Variants in STXBP4 observed in about 807,000 individuals in gnomAD.
STXBP4 encodes the protein syntaxin binding protein 4.
STXBP4 carries 55 observed loss-of-function variants against 76.1 expected under a neutral mutation model. The ratio of observed to expected loss-of-function variants is 0.72; its 90% confidence interval spans 0.58 to 0.91. The LOEUF (loss-of-function observed/expected upper bound fraction) is 0.91. Ranked by LOEUF, STXBP4 falls within the 40% of genes least tolerant of loss-of-function variation. The pLI is 0.00. For synonymous variants in STXBP4, 201 were observed against 220.2 expected (o/e 0.91, Z 0.77); for missense variants, 618 against 636.9 (o/e 0.97, Z 0.32).
At chr17:55,186,784 ATACTAT>A in the STXBP4 span, among the ~76,000 whole-genome samples, 2 of 152,232 alleles carry the variant, frequency 1.3e-5, no homozygotes, top group Admixed American at 1.3e-4. Context: ...ACAAATAGAT[ATACTAT>A]CATTAGTCCC....
chr17:55,180,888 G>C, the STXBP4 span, among the ~76,000 whole-genome samples: 128 of 152,288 alleles, frequency 8.4e-4, no homozygotes, highest in Admixed American at 2.3e-3. Context: ...TGCTCTGTAT[G>C]GCCTATAGAA....
chr17:55,199,155 C>T, the STXBP4 span, among the ~76,000 whole-genome samples: 1 of 152,260 alleles, frequency 6.6e-6, no homozygotes, highest in Admixed American at 6.5e-5. Context: ...TCTACATCTG[C>T]TGCTGGTTAG....
chr17:55,208,323 A>C, the STXBP4 span, among the ~76,000 whole-genome samples: 1 of 152,076 alleles, frequency 6.6e-6, no homozygotes, highest in African/African-American at 2.4e-5. Flanking sequence ...GCTTTTGTGC[A>C]CCTGTTGCAC....
In STXBP4 at chr17:55,168,977, T is replaced by C. The variant is rs2080392429; in HGVS notation, c.*9066T>C. 1 of 152,204 alleles carries C rather than the reference T, an allele frequency of 6.6e-6. No individual in the cohort carries two copies. Among genetic ancestry groups the C allele is most frequent in the African/African-American group, 2.4e-5 (1 of 41,466 alleles). 9.4% of individuals were successfully genotyped at this position (152,204 alleles called of 1,614,324 possible). ...AAGTAAAGAAGTAACAGTCCAGTCA[T>C]ATCATGGAAAGAACAACCAAATTCA... On this transcript the variant is annotated 3_prime_UTR_variant, in exon 18 of 18. Transcript: ENST00000376352.
Position 55,166,118 on chromosome 17 carries a change from G to A in STXBP4, c.*6207G>A, listed in dbSNP as rs569483721. The A allele has an allele frequency of 6.6e-6, 1 of 152,142 alleles. No individual in the cohort carries two copies. Among genetic ancestry groups the A allele is most frequent in the Non-Finnish European group, 1.5e-5 (1 of 68,034 alleles). 9.4% of individuals were successfully genotyped at this position (152,142 alleles called of 1,614,324 possible). The stretch of plus-strand genomic sequence containing the variant: ...TCCCTATTCCTGGTGTTTCTTTGTA[G>A]AGAGTGCTCCATTAAAGTAACACTT... On this transcript the variant is annotated 3_prime_UTR_variant, in exon 18 of 18. Transcript: ENST00000376352.
intron 3 of STXBP4, among the ~76,000 whole-genome samples, chr17:54,986,889 T>G (rs1328304611): frequency 1.3e-5 from 2 of 152,160 alleles, no homozygotes; most frequent in African/African-American, 4.8e-5. Context: ...ATGGCCTCAT[T>G]TACATCTTGT....
chr17:55,024,986 A>G (rs898303691), intron 8 of STXBP4, among the ~76,000 whole-genome samples: 1 of 151,924 alleles, frequency 6.6e-6, no homozygotes, highest in Non-Finnish European at 1.5e-5. Flanking sequence ...AAAAAAATAC[A>G]AAAAATTAGC....
At chr17:55,044,262 A>G (rs1241444900) in intron 11 of STXBP4, 1 of 152,044 alleles carries the variant, frequency 6.6e-6, no homozygotes, top group Non-Finnish European at 1.5e-5. Flanking sequence ...TAGGAAAAGC[A>G]ACATAACTAC....
At chr17:55,004,017 G>GAA (rs879636295) in intron 7 of STXBP4, among the ~76,000 whole-genome samples, 1 of 142,708 alleles carries the variant, frequency 7.0e-6, no homozygotes. Context: ...ACTAAAAATA[G>GAA]AAAAAAAAAA....
At chr17:55,047,541 A>T (rs540664966) in intron 12 of STXBP4, among the ~76,000 whole-genome samples, 2 of 151,964 alleles carry the variant, frequency 1.3e-5, no homozygotes, top group Admixed American at 1.3e-4. Flanking sequence ...AAAGTCATCA[A>T]GGCAGAGCAT....
the STXBP4 span, among the ~76,000 whole-genome samples, chr17:55,211,985 A>ATT: frequency 1.5e-5 from 2 of 130,346 alleles, no homozygotes; most frequent in South Asian, 2.5e-4. Flanking sequence ...TAATTTTTGT[A>ATT]TTTTTTTTTT....
At chr17:55,002,008 A>G (rs527486525) in intron 7 of STXBP4, among the ~76,000 whole-genome samples, 2 of 152,218 alleles carry the variant, frequency 1.3e-5, no homozygotes, top group Non-Finnish European at 2.9e-5. Flanking sequence ...GGTGGTATTT[A>G]CCAGTGGGTT....
rs140541697 is a variant in STXBP4, at chr17:55,004,884, TA to T, written c.575-2619del. On this transcript the variant is annotated intron_variant, in intron 7 of 17. Transcript: ENST00000376352. ...ACTCACTCCCCCAGAAAGGAGCAAA[TA>T]AAGAGCTTGGAGCTGGGATAGAGAG... is the stretch of plus-strand genomic sequence containing the variant. Among the ~76,000 whole-genome samples the T allele has an allele frequency of 2.6e-3, 390 of 151,944 alleles. 9 individuals carry two copies. The highest frequency in any genetic ancestry group is 0.025 in the East Asian group (131 of 5,162).
intron 17 of STXBP4, among the ~76,000 whole-genome samples, chr17:55,155,760 T>C (rs1309882860): frequency 6.6e-6 from 1 of 152,128 alleles, no homozygotes; most frequent in Non-Finnish European, 1.5e-5. Flanking sequence ...AATTTTTATT[T>C]TGAAAGAAAA....
the STXBP4 span, among the ~76,000 whole-genome samples, chr17:55,213,125 G>GT: frequency 6.6e-6 from 1 of 152,206 alleles, no homozygotes; most frequent in Non-Finnish European, 1.5e-5. Flanking sequence ...AGATGCGGTG[G>GT]TTGGGAAGAA....
chr17:54,981,713 A>G (rs1209433936), intron 1 of STXBP4, among the ~76,000 whole-genome samples: 3 of 152,266 alleles, frequency 2.0e-5, no homozygotes, highest in East Asian at 1.9e-4. Context: ...GTTAGCCACA[A>G]ACTTTTGTGT....
intron 12 of STXBP4, among the ~76,000 whole-genome samples, chr17:55,070,185 A>G (rs2079104237): frequency 6.6e-6 from 1 of 152,170 alleles, no homozygotes; most frequent in Non-Finnish European, 1.5e-5. Flanking sequence ...TGTGATTCTG[A>G]GTTAGTTACT....
chr17:55,012,512 T>G (rs2144575951), intron 8 of STXBP4, among the ~76,000 whole-genome samples: 1 of 152,306 alleles, frequency 6.6e-6, no homozygotes, highest in African/African-American at 2.4e-5. Context: ...GTACTGCCAG[T>G]AATAATCTCC....
At chr17:55,206,054 A>G in the STXBP4 span, among the ~76,000 whole-genome samples, 3 of 152,280 alleles carry the variant, frequency 2.0e-5, no homozygotes, top group Non-Finnish European at 2.9e-5. Context: ...TATACTTATT[A>G]TCATAAACTC....
Sources: gnomAD v4.1 joint callset for allele counts (sites outside exome capture counted in the v4.1 genomes callset) on GRCh38, gnomAD v4.1.1 for gene constraint, MANE v1.5 for transcripts, NCBI Gene and HGNC (gene_info 2026-07-23, HGNC 2026-07-21) for gene names.